DLST: variants seen among roughly 807,000 people sequenced by gnomAD.
The protein encoded by DLST is dihydrolipoyllysine-residue succinyltransferase component of 2-oxoglutarate dehydrogenase complex, mitochondrial.
DLST carries 17 observed loss-of-function variants against 53.1 expected under a neutral mutation model. That is an observed-to-expected ratio of 0.32 (90% confidence interval 0.22 to 0.48). DLST has a LOEUF of 0.48. Ranked by LOEUF, DLST falls within the 20% of genes least tolerant of loss-of-function variation. DLST has a pLI of 0.99. For missense variants in DLST, 512 were observed against 583.9 expected, an observed-to-expected ratio of 0.88 and a Z score of 1.27; for synonymous variants, 206 against 204.8, an observed-to-expected ratio of 1.01 and a Z score of -0.05.
rs1304888441 is a variant in DLST at position 74,901,167 on chromosome 14, C to T, written c.1161C>T (p.Asn387=). 5.0e-6 allele frequency: 8 copies of T among 1,612,262 alleles called. No homozygotes were observed. The highest frequency in any genetic ancestry group is 5.1e-6 in the Non-Finnish European group (6 of 1,179,152). ...CGCTCTTTGGAACACCCATTATCAA[C>T]CCCCCTCAGTCTGCCATCCTGGGGA... ...FGSLFGTPII[N]PPQSAILGMH... is the part of the protein sequence containing the mutation. Residue 387 remains asparagine (N), a synonymous_variant, in exon 14 of 15, where the codon AAC becomes AAT. Transcript: ENST00000334220.
intron 3 of DLST, 130 bp from the exon 4 acceptor site, chr14:74,888,965 C>A: frequency 2.2e-6 from 2 of 897,136 alleles, no homozygotes; most frequent in East Asian, 2.5e-5. Flanking sequence ...AGTTCCTCCC[C>A]AAGTGACACT....
rs374911682 is a variant in DLST at position 74,881,948 on chromosome 14, G to A, written c.-6G>A. On this transcript the variant is annotated 5_prime_UTR_variant, in exon 1 of 15. Coordinates refer to ENST00000334220, the MANE Select transcript of DLST (RefSeq NM_001933.5). ...GTGTCCGCCCGCCCTCGGCTCCTCC[G>A]CCGTGATGCTGTCCCGATCCCGCTG... 43 of 1,550,968 alleles carry A rather than the reference G, an allele frequency of 2.8e-5. No individual in the cohort carries two copies. Among genetic ancestry groups the A allele is most frequent in the South Asian group, 2.1e-4 (18 of 85,388 alleles).
At chr14:74,888,986 C>A in intron 3 of DLST, 109 bp from the exon 4 acceptor site, 1 of 1,099,652 alleles carries the variant, frequency 9.1e-7, no homozygotes, top group Non-Finnish European at 1.4e-6. Flanking sequence ...GATGGACACC[C>A]CTGGTCAAGA....
intron 12 of DLST, 111 bp from the exon 13 acceptor site, chr14:74,900,178 G>A: frequency 8.8e-7 from 1 of 1,139,416 alleles, no homozygotes; most frequent in East Asian, 2.3e-5. Flanking sequence ...TAATCACACT[G>A]AGTAATGAAG....
At chr14:74,885,966 G>A (rs1363197593) in intron 3 of DLST, 1 of 227,852 alleles carries the variant, frequency 4.4e-6, no homozygotes, top group Non-Finnish European at 8.6e-6. Flanking sequence ...AAAGGCTCGA[G>A]GTTACATTTA....
At position 74,902,448 on chromosome 14, in the gene DLST, A is replaced by G. The variant is rs1284354613; in HGVS notation, c.*118A>G. On this transcript the variant is annotated 3_prime_UTR_variant, in exon 15 of 15. Transcript: ENST00000334220. ...AGGCAGACACATGCTGTTGGCCTCA[A>G]GCAAGGAAGCAGAGCACTGTGTAAC... 11 of 1,315,776 alleles carry G rather than the reference A, an allele frequency of 8.4e-6. No homozygotes were observed. The highest frequency in any genetic ancestry group is 1.5e-5 in the African/African-American group (1 of 68,178). The allele number at this position is 1,315,776 out of a possible 1,614,324, so 81.5% of individuals were successfully genotyped here.
intron 10 of DLST, among the ~76,000 whole-genome samples, chr14:74,898,164 A>C (rs933914849): frequency 3.3e-5 from 5 of 152,176 alleles, no homozygotes; most frequent in African/African-American, 1.2e-4. Flanking sequence ...CCTTAAAGAC[A>C]GATTGGGCCT....
intron 13 of DLST, 111 bp from the exon 14 acceptor site, chr14:74,900,955 G>T (rs2140203946): frequency 8.1e-7 from 1 of 1,236,020 alleles, no homozygotes; most frequent in South Asian, 1.4e-5. Flanking sequence ...TGAACTCCTG[G>T]CCTCAAGCAG....
intron 4 of DLST, 49 bp from the exon 5 acceptor site, chr14:74,889,226 A>G: frequency 1.9e-6 from 3 of 1,607,498 alleles, no homozygotes; most frequent in Non-Finnish European, 2.6e-6. Flanking sequence ...AAAAATATTA[A>G]AAAGGAAAAA....
At position 74,889,365 on chromosome 14, in the gene DLST, CTA is replaced by C. The variant is rs775140647; in HGVS notation, c.274+18_274+19del. 2.7e-5 allele frequency: 39 copies of C among 1,425,890 alleles called. No individual in the cohort carries two copies. The highest frequency in any genetic ancestry group is 3.8e-5 in the South Asian group (3 of 78,134). 88.3% of individuals were successfully genotyped at this position (1,425,890 alleles called of 1,614,324 possible). A position where few individuals can be genotyped will look rare whatever the true frequency, so the allele number is the denominator to read the frequency against. On this transcript the variant is annotated intron_variant, in intron 5 of 14. Transcript: ENST00000334220. ...TGGGAGAAAGGTAAGATTTAGTTTC[CTA>C]TTTTTTTTTTTTTTTTTTTTGAGAC...
At chr14:74,890,168 C>T (rs183203369) in intron 6 of DLST, among the ~76,000 whole-genome samples, 3 of 126,470 alleles carry the variant, frequency 2.4e-5, no homozygotes, top group Non-Finnish European at 4.7e-5. Context: ...TGCTCTGTTG[C>T]CCAGGCTGGA....
chr14:74,895,738 A>G (rs967283139), intron 10 of DLST, among the ~76,000 whole-genome samples: 6 of 152,170 alleles, frequency 3.9e-5, no homozygotes, highest in Non-Finnish European at 7.3e-5. Context: ...TGCCTCTACT[A>G]AAAATACAAA....
intron 5 of DLST, 187 bp downstream of exon 5, chr14:74,889,536 G>A (rs1018863115): frequency 1.4e-5 from 8 of 574,720 alleles, no homozygotes; most frequent in Non-Finnish European, 2.4e-5. Flanking sequence ...GCCTGGCTAA[G>A]TTTTTTGTAT....
At chr14:74,885,469 CGTT>C in intron 2 of DLST, 114 bp from the exon 3 acceptor site, 1 of 1,027,286 alleles carries the variant, frequency 9.7e-7, no homozygotes, top group Non-Finnish European at 1.5e-6. Context: ...AGATTATATC[CGTT>C]GCCGTTGATC....
At chr14:74,893,238 C>A (rs1247703298) in intron 8 of DLST, 110 bp from the exon 9 acceptor site, 2 of 1,277,406 alleles carry the variant, frequency 1.6e-6, no homozygotes, top group Middle Eastern at 1.9e-4. Context: ...TACTAATATA[C>A]CTCAGAATAT....
intron 3 of DLST, among the ~76,000 whole-genome samples, chr14:74,888,593 G>C (rs1350711718): frequency 6.6e-6 from 1 of 152,148 alleles, no homozygotes; most frequent in Non-Finnish European, 1.5e-5. Flanking sequence ...TGTAGTCCCA[G>C]CTACCCGGGA....
Position 74,901,205 on chromosome 14 carries a change from T to G in DLST, c.1199T>G (p.Phe400Cys), listed in dbSNP as rs756360129. The G allele has an allele frequency of 2.5e-6, 4 of 1,614,098 alleles. No homozygotes were observed. In the East Asian group the frequency reaches 8.9e-5, roughly 36 times the overall value. Reference sequence around the variant, plus strand: ...GCCATCCTGGGGATGCATGGCATCTTTGACAGGCCAGTGGCTATAGGAGGC... The same window carrying G: ...GCCATCCTGGGGATGCATGGCATCTGTGACAGGCCAGTGGCTATAGGAGGC... ...QSAILGMHGI[F>C]DRPVAIGGKV... The change falls in exon 14 of 15, where the codon TTT (phenylalanine) becomes TGT (cysteine). Residue 400 changes from phenylalanine to cysteine, a missense_variant. Physicochemically the swap from Phe to Cys is radical, Grantham distance 205. Coordinates refer to ENST00000334220, the MANE Select transcript of DLST (RefSeq NM_001933.5).
At chr14:74,897,666 T>C (rs1340863814) in intron 10 of DLST, among the ~76,000 whole-genome samples, 1 of 152,262 alleles carries the variant, frequency 6.6e-6, no homozygotes, top group East Asian at 1.9e-4. Context: ...ATTAGCTTTG[T>C]ATCTTGGTAC....
At chr14:74,882,827 A>G (rs1175726458) in intron 2 of DLST, among the ~76,000 whole-genome samples, 1 of 152,224 alleles carries the variant, frequency 6.6e-6, no homozygotes, top group Non-Finnish European at 1.5e-5. Context: ...GCACTGTGCT[A>G]GACGCTAGGG....
Sources: allele counts gnomAD v4.1 joint callset (sites outside exome capture counted in the v4.1 genomes callset), GRCh38; gene constraint gnomAD v4.1.1; transcripts MANE v1.5; gene names NCBI Gene and HGNC (gene_info 2026-07-23, HGNC 2026-07-21).